PCDHA1: variants seen among roughly 807,000 people sequenced by gnomAD.
The protein encoded by PCDHA1 is protocadherin alpha-1.
PCDHA1 carries 42 observed loss-of-function variants against 61.3 expected under a neutral mutation model. The observed-to-expected ratio is 0.69, with a 90% CI of 0.54 to 0.89. The LOEUF (loss-of-function observed/expected upper bound fraction) is 0.89, where lower values mean the gene tolerates loss of function less well. PCDHA1 is among the 40% of genes least tolerant of loss of function. PCDHA1 has a pLI of 0.00. For missense variants in PCDHA1, 1,256 were observed against 1,235.3 expected (o/e 1.02, Z -0.25); for synonymous variants, 610 against 553.8 (o/e 1.10, Z -1.43).
At chr5:140,815,347 T>C (rs1177649027) in intron 1 of PCDHA1, 4 of 152,118 alleles carry the variant, frequency 2.6e-5, no homozygotes, top group African/African-American at 9.6e-5. Context: ...TTTTCTTTTG[T>C]ATATCTTCCA....
rs1434426263 is a variant in PCDHA1, at chr5:140,852,473, T to A, written c.2394+63789T>A. On this transcript the variant is annotated intron_variant, in intron 1 of 3. Coordinates refer to ENST00000504120, the MANE Select transcript of PCDHA1 (RefSeq NM_018900.4). ...TTGTATTTTTAGTAGAGATGGGGTT[T>A]CATCATGTTGGCCAGGTTGGTCTCG... 6 of 195,480 alleles carry A rather than the reference T, an allele frequency of 3.1e-5. 1 individual carries two copies. The highest frequency in any genetic ancestry group is 6.2e-5 in the Non-Finnish European group (6 of 97,540). 12.1% of individuals were successfully genotyped at this position (195,480 alleles called of 1,614,324 possible). A position where few individuals can be genotyped will look rare whatever the true frequency, so the allele number is the denominator to read the frequency against.
chr5:140,855,635 T>G (rs1281474999), intron 1 of PCDHA1, among the ~76,000 whole-genome samples: 4 of 149,818 alleles, frequency 2.7e-5, no homozygotes, highest in African/African-American at 7.4e-5. Flanking sequence ...ATTCGGCTAT[T>G]GATAATCATG....
At chr5:140,843,607 G>C in intron 1 of PCDHA1, 1 of 1,596,080 alleles carries the variant, frequency 6.3e-7, no homozygotes, top group Non-Finnish European at 8.6e-7. Context: ...GCTCTGGTGA[G>C]GGGCCACCGA....
intron 1 of PCDHA1, chr5:140,825,445 T>C (rs1389110393): frequency 1.3e-5 from 2 of 148,158 alleles, no homozygotes; most frequent in Non-Finnish European, 3.0e-5. Context: ...AATAATAATA[T>C]ATATCAGATA....
intron 1 of PCDHA1, among the ~76,000 whole-genome samples, chr5:140,872,145 G>A (rs2053502547): frequency 6.6e-6 from 1 of 151,676 alleles, no homozygotes; most frequent in Non-Finnish European, 1.5e-5. Context: ...TACTCCATTA[G>A]TATGACATGA....
At chr5:140,914,807 A>G (rs929659841) in intron 1 of PCDHA1, among the ~76,000 whole-genome samples, 2 of 152,330 alleles carry the variant, frequency 1.3e-5, no homozygotes, top group Middle Eastern at 3.4e-3. Context: ...ACTGATGGCA[A>G]CTTAACAGAC....
intron 1 of PCDHA1, chr5:140,866,190 G>C (rs1420527547): frequency 6.6e-6 from 1 of 152,128 alleles, no homozygotes; most frequent in African/African-American, 2.4e-5. Context: ...TCAGAAAACT[G>C]TGGTTTCCAA....
At chr5:140,817,734 T>C (rs2150098892) in intron 1 of PCDHA1, 7 of 152,242 alleles carry the variant, frequency 4.6e-5, no homozygotes, top group Non-Finnish European at 8.8e-5. Context: ...TATGTTTCTT[T>C]CTGGGATCAT....
At chr5:140,884,503 AGGGAGTT>A (rs782338567) in intron 1 of PCDHA1, 2 of 1,613,940 alleles carry the variant, frequency 1.2e-6, no homozygotes, top group Non-Finnish European at 1.7e-6. Context: ...CCAGCGCGGC[AGGGAGTT>A]GGTCGTACTC....
chr5:140,797,987 G>T (rs1388589775), intron 1 of PCDHA1, among the ~76,000 whole-genome samples: 1 of 151,840 alleles, frequency 6.6e-6, no homozygotes, highest in Non-Finnish European at 1.5e-5. Flanking sequence ...TTAGTAACTG[G>T]GATTACAGGC....
chr5:140,854,042 G>A lies in PCDHA1; in HGVS notation c.2394+65358G>A, dbSNP rs1005442587. 1.8e-5 allele frequency: 5 copies of A among 285,684 alleles called. 1 individual carries two copies. The highest frequency in any genetic ancestry group is 2.7e-5 in the Non-Finnish European group (5 of 185,908). The allele number at this position is 285,684 out of a possible 1,614,324, so 17.7% of individuals were successfully genotyped here. A position where few individuals can be genotyped will look rare whatever the true frequency, so the allele number is the denominator to read the frequency against. On this transcript the variant is annotated intron_variant, in intron 1 of 3. Coordinates refer to ENST00000504120, the MANE Select transcript of PCDHA1 (RefSeq NM_018900.4). ...CCGGGCATGGTGGCACACATCTCTA[G>A]TCCCAATTACTCAGGAGGCTGAGGC...
chr5:140,808,030 C>T (rs1315545536), intron 1 of PCDHA1: 2 of 1,613,918 alleles, frequency 1.2e-6, no homozygotes, highest in Non-Finnish European at 1.7e-6. Flanking sequence ...TTTATTCATT[C>T]TCAAATGATA....
chr5:140,943,006 C>A (rs1314561126), intron 1 of PCDHA1, among the ~76,000 whole-genome samples: 2 of 151,932 alleles, frequency 1.3e-5, no homozygotes, highest in East Asian at 3.9e-4. Flanking sequence ...CCTGTAATCC[C>A]AGCACTTTGG....
chr5:140,880,978 T>A lies in PCDHA1; in HGVS notation c.2394+92294T>A, dbSNP rs570855539. Among the ~76,000 whole-genome samples the A allele has an allele frequency of 3.6e-4, 55 of 152,312 alleles. No individual in the cohort carries two copies. The South Asian group carries it at 9.1e-3, about 25-fold the overall frequency. On this transcript the variant is annotated intron_variant, in intron 1 of 3. Coordinates refer to ENST00000504120, the MANE Select transcript of PCDHA1 (RefSeq NM_018900.4). ...ATGAGGGTAAGAGAATACCAAATACTCTGCCTAAATTTTCAGAGGAGAGCA... is the reference window on the plus strand; with the variant it reads ...ATGAGGGTAAGAGAATACCAAATACACTGCCTAAATTTTCAGAGGAGAGCA...
At chr5:140,828,699 A>C (rs2150158011) in intron 1 of PCDHA1, 16 of 1,614,132 alleles carry the variant, frequency 9.9e-6, no homozygotes, top group Non-Finnish European at 1.4e-5. Flanking sequence ...TTGGACAGAG[A>C]GGAAGCTCCT....
intron 1 of PCDHA1, chr5:140,807,983 G>T (rs782039700): frequency 6.2e-7 from 1 of 1,613,482 alleles, no homozygotes; most frequent in Non-Finnish European, 8.5e-7. Flanking sequence ...TAAACTTAAC[G>T]CCTCAGATTT....
At chr5:140,971,624 T>C (rs2153790714) in intron 1 of PCDHA1, among the ~76,000 whole-genome samples, 1 of 152,254 alleles carries the variant, frequency 6.6e-6, no homozygotes, top group East Asian at 1.9e-4. Flanking sequence ...TGGGGTACAA[T>C]TAGTACCATG....
intron 1 of PCDHA1, among the ~76,000 whole-genome samples, chr5:140,973,765 G>A (rs1326498499): frequency 6.6e-6 from 1 of 152,230 alleles, no homozygotes; most frequent in African/African-American, 2.4e-5. Context: ...GACACAGCCT[G>A]GCATATTATA....
At position 140,870,533 on chromosome 5, in the gene PCDHA1, C is replaced by A. The variant is rs1185177447; in HGVS notation, c.2394+81849C>A. The A allele has an allele frequency of 1.9e-6, 3 of 1,614,050 alleles. No individual in the cohort carries two copies. The African/African-American group carries it at 4.0e-5, about 22-fold the overall frequency. ...CCAGGCTGCCACATCTTCACAGTGTCGGCGCGGGACGCGGACGCGCAGGAG... is the reference window on the plus strand; with the variant it reads ...CCAGGCTGCCACATCTTCACAGTGTAGGCGCGGGACGCGGACGCGCAGGAG... On this transcript the variant is annotated intron_variant, in intron 1 of 3. Transcript: ENST00000504120.
Sources: allele counts gnomAD v4.1 joint callset (sites outside exome capture counted in the v4.1 genomes callset), GRCh38; gene constraint gnomAD v4.1.1; transcripts MANE v1.5; gene names NCBI Gene and HGNC (gene_info 2026-07-23, HGNC 2026-07-21).